Variants in MED17 observed in about 807,000 individuals in gnomAD.
MED17 encodes the protein mediator complex subunit 17.
In MED17, 49 loss-of-function variants were observed where a neutral mutation model predicts 80.8. The ratio of observed to expected loss-of-function variants is 0.61; its 90% CI spans 0.48 to 0.77. The LOEUF is 0.77. Ranked by LOEUF, MED17 falls within the 30% of genes least tolerant of loss-of-function variation. MED17 has a pLI of 0.00. For missense variants in MED17, 718 were observed against 787.0 expected (o/e 0.91, Z 1.05); for synonymous variants, 281 against 280.4 (o/e 1.00, Z -0.02).
chr11:93,806,954 C>T (rs1944031939), intron 9 of MED17: 1 of 153,618 alleles, frequency 6.5e-6, no homozygotes, highest in Non-Finnish European at 1.4e-5. Flanking sequence ...TATTCTGCTG[C>T]TATATAGACA....
At chr11:93,804,054 C>CACAT (rs1943998807) in intron 9 of MED17, among the ~76,000 whole-genome samples, 1 of 147,796 alleles carries the variant, frequency 6.8e-6, no homozygotes, top group Non-Finnish European at 1.5e-5. Flanking sequence ...CACGCACACA[C>CACAT]ACACACATAA....
intron 1 of MED17, chr11:93,785,004 C>T (rs1943753991): frequency 8.2e-6 from 5 of 610,182 alleles, no homozygotes; most frequent in South Asian, 8.0e-5. Flanking sequence ...ACTGTCAAAC[C>T]GTGAAATGTT....
chr11:93,791,554 A>G (rs556185923), intron 3 of MED17, among the ~76,000 whole-genome samples: 1 of 152,136 alleles, frequency 6.6e-6, no homozygotes, highest in East Asian at 1.9e-4. Context: ...AAAATACAAA[A>G]ATTAGCTGGG....
At chr11:93,800,242 C>G (rs1332989228) in intron 8 of MED17, among the ~76,000 whole-genome samples, 1 of 152,174 alleles carries the variant, frequency 6.6e-6, no homozygotes, top group Non-Finnish European at 1.5e-5. Flanking sequence ...AACCCTAAGT[C>G]TATTAATGTA....
intron 11 of MED17, chr11:93,811,076 C>T (rs11603364): frequency 0.26 from 39,409 of 152,190 alleles, 5,383 homozygotes; most frequent in African/African-American, 0.33. Context: ...TGAAATGTTA[C>T]GCAGCTCATG....
chr11:93,810,005 A>C (rs1944069741), intron 11 of MED17, 129 bp downstream of exon 11: 2 of 919,326 alleles, frequency 2.2e-6, no homozygotes, highest in Non-Finnish European at 3.6e-6. Context: ...ATTTACACCG[A>C]ATGTTTATTT....
intron 6 of MED17, 52 bp downstream of exon 6, chr11:93,795,112 A>T (rs1295366839): frequency 6.3e-7 from 1 of 1,590,130 alleles, no homozygotes; most frequent in Admixed American, 1.7e-5. Context: ...GTTTTGGGGG[A>T]CTAGGACAGA....
chr11:93,807,610 A>T lies in MED17; in HGVS notation c.1559A>T (p.Glu520Val). Residue 520 changes from glutamate to valine, a missense_variant, in exon 10 of 12, where the codon GAG (glutamate) becomes GTG (valine). Physicochemically the swap from Glu to Val is moderately radical, Grantham distance 121. Transcript: ENST00000251871. ...ATTACACTGTCTTATCAGGAGCAGGAGCTACAGGATTTTCTTCTGTCTCAG... is the reference window on the plus strand; with the variant it reads ...ATTACACTGTCTTATCAGGAGCAGGTGCTACAGGATTTTCTTCTGTCTCAG... ...RVITLSYQEQELQDFLLSQMS... is the reference protein window; with the variant it reads ...RVITLSYQEQVLQDFLLSQMS... 1.2e-6 allele frequency: 2 copies of T among 1,611,102 alleles called. No homozygotes were observed. Among genetic ancestry groups the T allele is most frequent in the Non-Finnish European group, 1.7e-6 (2 of 1,177,350 alleles).
intron 9 of MED17, 164 bp from the exon 10 acceptor site, chr11:93,807,354 A>G (rs1944037113): frequency 1.0e-5 from 6 of 586,800 alleles, no homozygotes; most frequent in Non-Finnish European, 1.8e-5. Context: ...CGGAGGTTGC[A>G]GTGAGCTGAG....
chr11:93,809,802 T>A lies in MED17; in HGVS notation c.1670T>A (p.Leu557His). 1 of 1,614,186 alleles carries A rather than the reference T, an allele frequency of 6.2e-7. No homozygotes were observed. The highest frequency in any genetic ancestry group is 8.5e-7 in the Non-Finnish European group (1 of 1,180,026). ...CTGAGCTTCAGTAATCATGTGGGAC[T>A]TGGACCTATAGAGAGCATTGGTAAT... is the stretch of plus-strand genomic sequence containing the variant. Reference protein sequence around the residue: ...QVLSFSNHVGLGPIESIGNAS... With the variant: ...QVLSFSNHVGHGPIESIGNAS... The change falls in exon 11 of 12, where the codon CTT becomes CAT. Residue 557 changes from leucine (L) to histidine (H), a missense_variant. Leu to His is a moderately conservative substitution (Grantham distance 99). Coordinates refer to ENST00000251871, the MANE Select transcript of MED17 (RefSeq NM_004268.5).
intron 5 of MED17, 126 bp from the exon 6 acceptor site, chr11:93,794,782 A>T: frequency 9.8e-7 from 1 of 1,020,220 alleles, no homozygotes; most frequent in Non-Finnish European, 1.4e-6. Context: ...ACTGAATAGG[A>T]AAAAAAAGAA....
chr11:93,788,366 G>A, intron 2 of MED17, 199 bp downstream of exon 2: 1 of 515,182 alleles, frequency 1.9e-6, no homozygotes, highest in Admixed American at 3.3e-5. Context: ...ATCCTTGGAA[G>A]AGTTAAGTTT....
intron 2 of MED17, chr11:93,788,963 T>A (rs1464563771): frequency 6.6e-6 from 1 of 152,096 alleles, no homozygotes; most frequent in Non-Finnish European, 1.5e-5. Context: ...TTATGGAGCA[T>A]ATTGAGAGCT....
Position 93,807,554 on chromosome 11 carries a change from G to C in MED17, c.1503G>C (p.Gln501His), listed in dbSNP as rs1944039746. The C allele has an allele frequency of 6.2e-7, 1 of 1,613,102 alleles. No individual in the cohort carries two copies. Among genetic ancestry groups the C allele is most frequent in the Non-Finnish European group, 8.5e-7 (1 of 1,179,236 alleles). ...TGCAATTGAATATTGGAGTTGAGCAGATTCGAGTTGTACATAGAGATGGAA... is the reference window on the plus strand; with the variant it reads ...TGCAATTGAATATTGGAGTTGAGCACATTCGAGTTGTACATAGAGATGGAA... Reference protein sequence around the residue: ...IQLQLNIGVEQIRVVHRDGRV... With the variant: ...IQLQLNIGVEHIRVVHRDGRV... Residue 501 changes from glutamine to histidine, a missense_variant, in exon 10 of 12, where the codon CAG becomes CAC. Physicochemically the swap from Gln to His is conservative, Grantham distance 24. Coordinates refer to ENST00000251871, the MANE Select transcript of MED17 (RefSeq NM_004268.5).
intron 7 of MED17, chr11:93,796,920 G>T (rs1213270688): frequency 3.8e-6 from 1 of 266,596 alleles, no homozygotes; most frequent in African/African-American, 2.2e-5. Context: ...TTTACAGGGA[G>T]CTGGTTCACA....
At chr11:93,796,668 A>G in intron 7 of MED17, 128 bp downstream of exon 7, 1 of 1,109,602 alleles carries the variant, frequency 9.0e-7, no homozygotes, top group South Asian at 1.2e-5. Flanking sequence ...TCTGATGTGA[A>G]AGATCCTTGC....
chr11:93,810,833 T>A (rs1358869518), intron 11 of MED17: 1 of 152,248 alleles, frequency 6.6e-6, no homozygotes, highest in Non-Finnish European at 1.5e-5. Flanking sequence ...CTGACTACTT[T>A]AAAAATACAG....
chr11:93,807,406 CTT>C, intron 9 of MED17, 110 bp from the exon 10 acceptor site: 1 of 750,520 alleles, frequency 1.3e-6, no homozygotes, highest in Non-Finnish European at 2.3e-6. Flanking sequence ...GGCTTTGAGA[CTT>C]TGTCTAAAAA....
chr11:93,785,345 A>C (rs1286522914), intron 1 of MED17, among the ~76,000 whole-genome samples: 1 of 152,200 alleles, frequency 6.6e-6, no homozygotes, highest in Non-Finnish European at 1.5e-5. Context: ...TTTCTAATAA[A>C]TGAATTATAG....
Sources: allele counts gnomAD v4.1 joint callset (sites outside exome capture counted in the v4.1 genomes callset), GRCh38; gene constraint gnomAD v4.1.1; transcripts MANE v1.5; gene names NCBI Gene and HGNC (gene_info 2026-07-23, HGNC 2026-07-21).